The following NFIB variants were observed in gnomAD, a reference collection of about 807,000 sequenced individuals.
NFIB encodes nuclear factor 1 B-type.
NFIB carries 11 observed loss-of-function variants against 61.5 expected under a neutral mutation model. The observed-to-expected ratio is 0.18, with a 90% CI of 0.11 to 0.30. The LOEUF (loss-of-function observed/expected upper bound fraction) is 0.30, where lower values mean the gene tolerates loss of function less well. Among genes scored for constraint, NFIB ranks in the 10% least tolerant of loss-of-function variants. The probability of loss-of-function intolerance (pLI) is 1.00; values close to 1 mark genes in which losing one functional copy is unlikely to be tolerated. For missense variants in NFIB, 471 were observed against 608.9 expected (o/e 0.77, Z 2.38); for synonymous variants, 260 against 216.5 (o/e 1.20, Z -1.76).
intron 2 of NFIB, among the ~76,000 whole-genome samples, chr9:14,298,604 A>C (rs1044010071): frequency 1.3e-5 from 2 of 152,182 alleles, no homozygotes; most frequent in Non-Finnish European, 1.5e-5. Context: ...TCACTTCTAC[A>C]GCCAGACCAT....
chr9:14,331,501 G>A (rs989947280), intron 1 of NFIB, among the ~76,000 whole-genome samples: 1 of 151,608 alleles, frequency 6.6e-6, no homozygotes, highest in African/African-American at 2.4e-5. Flanking sequence ...GTGGATTTAA[G>A]TTTTGGATAT....
At chr9:14,319,333 C>T (rs1322172386) in intron 1 of NFIB, among the ~76,000 whole-genome samples, 1 of 152,180 alleles carries the variant, frequency 6.6e-6, no homozygotes. Flanking sequence ...AGAGATGAGG[C>T]CAGTGCATCA....
chr9:14,247,754 C>T (rs1302864044), intron 2 of NFIB, among the ~76,000 whole-genome samples: 1 of 152,094 alleles, frequency 6.6e-6, no homozygotes, highest in Non-Finnish European at 1.5e-5. Flanking sequence ...GGCATACAGT[C>T]AAGACTCAGT....
intron 1 of NFIB, among the ~76,000 whole-genome samples, chr9:14,323,169 T>G (rs1712817968): frequency 6.6e-6 from 1 of 152,152 alleles, no homozygotes; most frequent in South Asian, 2.1e-4. Context: ...GAGCGCACTT[T>G]GACTTATATT....
chr9:14,205,828 GT>G (rs1192443695), intron 2 of NFIB, among the ~76,000 whole-genome samples: 6 of 152,054 alleles, frequency 3.9e-5, no homozygotes, highest in African/African-American at 1.2e-4. Context: ...CACCAATATT[GT>G]TTACTTAATT....
At chr9:14,097,347 AG>A (rs2034956959) in intron 10 of NFIB, among the ~76,000 whole-genome samples, 1 of 152,154 alleles carries the variant, frequency 6.6e-6, no homozygotes, top group African/African-American at 2.4e-5. Flanking sequence ...GTGTATAAAA[AG>A]TTGAGGATTT....
chr9:14,264,646 A>T (rs1427661652), intron 2 of NFIB, among the ~76,000 whole-genome samples: 2 of 151,740 alleles, frequency 1.3e-5, no homozygotes, highest in Non-Finnish European at 3.0e-5. Flanking sequence ...TATGTCCCCT[A>T]CAATATTAAG....
At chr9:14,432,430 C>T in the NFIB span, among the ~76,000 whole-genome samples, 2 of 152,232 alleles carry the variant, frequency 1.3e-5, no homozygotes, top group South Asian at 4.1e-4. Flanking sequence ...TAAATCAGTA[C>T]ATGTTGTTTC....
At chr9:14,346,149 G>T (rs1252084914) in intron 1 of NFIB, among the ~76,000 whole-genome samples, 1 of 152,114 alleles carries the variant, frequency 6.6e-6, no homozygotes, top group Non-Finnish European at 1.5e-5. Flanking sequence ...CGTGGGGCAC[G>T]TGTTCACCCC....
the NFIB span, among the ~76,000 whole-genome samples, chr9:14,473,445 G>A: frequency 6.6e-6 from 1 of 152,166 alleles, no homozygotes; most frequent in Non-Finnish European, 1.5e-5. Context: ...CTTGTAAAAT[G>A]TGCTATTTGC....
chr9:14,262,256 T>C (rs2056827005), intron 2 of NFIB, among the ~76,000 whole-genome samples: 1 of 152,176 alleles, frequency 6.6e-6, no homozygotes, highest in Admixed American at 6.6e-5. Context: ...CCTTGTAGAT[T>C]AAGAACATTT....
At position 14,088,190 on chromosome 9, in the gene NFIB, T is replaced by G. The variant is rs1328525089; in HGVS notation, c.*119A>C. The G allele has an allele frequency of 1.3e-6, 2 of 1,518,820 alleles. No homozygotes were observed. Among genetic ancestry groups the G allele is most frequent in the Non-Finnish European group, 1.8e-6 (2 of 1,128,988 alleles). The allele number at this position is 1,518,820 out of a possible 1,614,324, so 94.1% of individuals were successfully genotyped here. On this transcript the variant is annotated 3_prime_UTR_variant, in exon 11 of 11. Coordinates refer to ENST00000380953, the MANE Select transcript of NFIB (RefSeq NM_001190737.2). ...TTTCTTAAACTATTGTTGTGTTTCTTTTTCCCTCAGTTGCTTGTTTCTGCT... is the reference window on the plus strand; with the variant it reads ...TTTCTTAAACTATTGTTGTGTTTCTGTTTCCCTCAGTTGCTTGTTTCTGCT...
the NFIB span, among the ~76,000 whole-genome samples, chr9:14,450,078 T>C: frequency 6.6e-6 from 1 of 152,180 alleles, no homozygotes; most frequent in Non-Finnish European, 1.5e-5. Context: ...CATTAACTCA[T>C]CATTTACATT....
At chr9:14,349,843 C>A (rs781148745) in intron 1 of NFIB, among the ~76,000 whole-genome samples, 1 of 152,170 alleles carries the variant, frequency 6.6e-6, no homozygotes, top group African/African-American at 2.4e-5. Context: ...GAACGCTTCC[C>A]GCGCGGCAGT....
chr9:14,418,291 C>G, the NFIB span, among the ~76,000 whole-genome samples: 1 of 152,232 alleles, frequency 6.6e-6, no homozygotes. Context: ...TCACAGCCCC[C>G]TGGCTTTCAT....
At chr9:14,278,159 CATT>C (rs1449924247) in intron 2 of NFIB, among the ~76,000 whole-genome samples, 2 of 152,158 alleles carry the variant, frequency 1.3e-5, no homozygotes, top group Non-Finnish European at 2.9e-5. Context: ...ATGCAGTAAT[CATT>C]ATAATTGGCA....
chr9:14,465,483 TAGAG>T, the NFIB span, among the ~76,000 whole-genome samples: 4 of 151,806 alleles, frequency 2.6e-5, no homozygotes, highest in Admixed American at 6.6e-5. Context: ...ATTAACAACA[TAGAG>T]AGAAGAAAAT....
intron 3 of NFIB, among the ~76,000 whole-genome samples, chr9:14,156,587 A>C (rs1378722100): frequency 6.6e-6 from 1 of 152,192 alleles, no homozygotes; most frequent in Non-Finnish European, 1.5e-5. Flanking sequence ...GGCCTCTGGG[A>C]ATGCCACATG....
At position 14,087,863 on chromosome 9, in the gene NFIB, C is replaced by A; in HGVS notation, c.*446G>T. The A allele has an allele frequency of 4.4e-6, 1 of 227,534 alleles. No individual in the cohort carries two copies. The allele number at this position is 227,534 out of a possible 1,614,324, so 14.1% of individuals were successfully genotyped here. A position where few individuals can be genotyped will look rare whatever the true frequency, so the allele number is the denominator to read the frequency against. On this transcript the variant is annotated 3_prime_UTR_variant, in exon 11 of 11. Coordinates refer to ENST00000380953, the MANE Select transcript of NFIB (RefSeq NM_001190737.2). Reference sequence around the variant, plus strand: ...AAGAATACTAAACCAATAAAACTAGCTTATCATGCAAATATTAAGGCATCT... The same window carrying A: ...AAGAATACTAAACCAATAAAACTAGATTATCATGCAAATATTAAGGCATCT...
Sources: gnomAD v4.1 joint callset for allele counts (sites outside exome capture counted in the v4.1 genomes callset) on GRCh38, gnomAD v4.1.1 for gene constraint, MANE v1.5 for transcripts, NCBI Gene and HGNC (gene_info 2026-07-23, HGNC 2026-07-21) for gene names.